NFIA: variants seen among roughly 807,000 people sequenced by gnomAD.
NFIA encodes the protein nuclear factor 1 A-type.
Under a neutral mutation model 62.8 loss-of-function variants are expected in NFIA, and 8 were observed. The observed-to-expected ratio is 0.13, with a 90% CI of 0.07 to 0.23. NFIA has a LOEUF of 0.23. Ranked by LOEUF, NFIA falls within the 10% of genes least tolerant of loss-of-function variation. The pLI is 1.00. For missense variants in NFIA, 410 were observed against 642.1 expected, an observed-to-expected ratio of 0.64 and a Z score of 3.91; for synonymous variants, 235 against 238.1, an observed-to-expected ratio of 0.99 and a Z score of 0.12.
chr1:61,280,401 A>C (rs1405965833), intron 3 of NFIA, among the ~76,000 whole-genome samples: 1 of 152,234 alleles, frequency 6.6e-6, no homozygotes, highest in African/African-American at 2.4e-5. Context: ...AACAGACTTG[A>C]TTCTTCAAAT....
At chr1:61,159,797 T>G (rs916615662) in intron 2 of NFIA, among the ~76,000 whole-genome samples, 1 of 151,434 alleles carries the variant, frequency 6.6e-6, no homozygotes, top group Non-Finnish European at 1.5e-5. Flanking sequence ...TTCTCCTGAT[T>G]CAGCCTCCCA....
chr1:61,103,551 G>A (rs1240027953), intron 2 of NFIA, among the ~76,000 whole-genome samples: 1 of 152,132 alleles, frequency 6.6e-6, no homozygotes, highest in East Asian at 1.9e-4. Context: ...GGACTGGGTT[G>A]TATTCAGTGT....
chr1:61,104,202 A>C (rs946832383), intron 2 of NFIA, among the ~76,000 whole-genome samples: 2 of 152,080 alleles, frequency 1.3e-5, no homozygotes, highest in African/African-American at 4.8e-5. Context: ...CAGAGTGGAC[A>C]CTCACATTTT....
intron 2 of NFIA, among the ~76,000 whole-genome samples, chr1:61,155,934 C>T (rs541519704): frequency 2.6e-4 from 39 of 152,150 alleles, no homozygotes; most frequent in African/African-American, 7.9e-4. Context: ...GTCAGGAGTT[C>T]GAGACCAGCC....
At chr1:61,299,507 G>T (rs1352284530) in intron 3 of NFIA, among the ~76,000 whole-genome samples, 1 of 152,120 alleles carries the variant, frequency 6.6e-6, no homozygotes, top group Non-Finnish European at 1.5e-5. Context: ...TTGTTAAAGG[G>T]AAATCTTAAT....
chr1:61,121,640 CAT>C (rs1646888715), intron 2 of NFIA, among the ~76,000 whole-genome samples: 1 of 152,106 alleles, frequency 6.6e-6, no homozygotes, highest in African/African-American at 2.4e-5. Context: ...AGATGTGTAA[CAT>C]AAAAGAATCT....
chr1:61,402,245 A>G (rs966747073), intron 7 of NFIA, among the ~76,000 whole-genome samples: 7 of 151,498 alleles, frequency 4.6e-5, no homozygotes, highest in Non-Finnish European at 1.0e-4. Context: ...TCACCGTGTT[A>G]CCCAGGGTGG....
rs10669787 is a variant in NFIA at position 61,389,744 on chromosome 1, G to GTT, written c.1075+6390_1075+6391dup. Among the ~76,000 whole-genome samples the GTT allele has an allele frequency of 2.5e-3, 367 of 148,506 alleles. 2 individuals carry two copies. Among genetic ancestry groups the GTT allele is most frequent in the East Asian group, 0.016 (83 of 5,064 alleles). On this transcript the variant is annotated intron_variant, in intron 7 of 10. Transcript: ENST00000403491. ...AATATAACCTGTGCCATCACACTGA[G>GTT]TTTTTTTTTTTTAATAGCAGCCATA...
intron 2 of NFIA, among the ~76,000 whole-genome samples, chr1:61,218,572 A>G (rs942154780): frequency 5.9e-5 from 9 of 152,330 alleles, no homozygotes; most frequent in Middle Eastern, 3.4e-3. Flanking sequence ...GAAGAAAATA[A>G]AATCACCTTG....
chr1:61,330,645 G>C (rs57203048), intron 3 of NFIA, among the ~76,000 whole-genome samples: 3,765 of 152,128 alleles, frequency 0.025, 185 homozygotes, highest in African/African-American at 0.086. Context: ...AAAATATATT[G>C]CTTGCTTTTT....
At chr1:61,142,261 A>G (rs1340275276) in intron 2 of NFIA, among the ~76,000 whole-genome samples, 1 of 152,198 alleles carries the variant, frequency 6.6e-6, no homozygotes, top group African/African-American at 2.4e-5. Flanking sequence ...AAAGAAGAAA[A>G]AAGTTGTTTA....
chr1:61,384,196 T>C (rs866505676), intron 7 of NFIA, among the ~76,000 whole-genome samples: 2 of 152,348 alleles, frequency 1.3e-5, no homozygotes, highest in South Asian at 4.1e-4. Flanking sequence ...ACCTACCAGC[T>C]GGTTTCATAA....
intron 2 of NFIA, among the ~76,000 whole-genome samples, chr1:61,225,939 T>C (rs1654304731): frequency 6.6e-6 from 1 of 152,186 alleles, no homozygotes; most frequent in African/African-American, 2.4e-5. Context: ...TAAGGGACCA[T>C]AAACTTATAT....
chr1:61,211,331 C>T (rs1197063317), intron 2 of NFIA, among the ~76,000 whole-genome samples: 1 of 152,120 alleles, frequency 6.6e-6, no homozygotes, highest in African/African-American at 2.4e-5. Flanking sequence ...GGTTCCTTGT[C>T]TTCCTTTTTT....
chr1:61,262,544 G>A (rs935297160), intron 2 of NFIA, among the ~76,000 whole-genome samples: 24 of 152,098 alleles, frequency 1.6e-4, no homozygotes, highest in Admixed American at 8.5e-4. Flanking sequence ...TGGTGTAGAC[G>A]TGAGGCTGTA....
intron 2 of NFIA, among the ~76,000 whole-genome samples, chr1:61,131,335 A>G (rs554546266): frequency 6.6e-6 from 1 of 152,302 alleles, no homozygotes; most frequent in Admixed American, 6.5e-5. Context: ...AACAGTGTCT[A>G]GATCTGTTGT....
intron 3 of NFIA, among the ~76,000 whole-genome samples, chr1:61,294,312 A>G (rs1659066520): frequency 6.6e-6 from 1 of 152,262 alleles, no homozygotes; most frequent in South Asian, 2.1e-4. Flanking sequence ...TAGTCACAAG[A>G]GTGATGAAGC....
chr1:61,285,883 G>C (rs1159592141), intron 3 of NFIA, among the ~76,000 whole-genome samples: 3 of 152,174 alleles, frequency 2.0e-5, no homozygotes, highest in African/African-American at 7.2e-5. Context: ...TTCCACGAAG[G>C]AAAGTCAGTG....
rs1664522634 is a variant in NFIA at position 61,383,436 on chromosome 1, A to G, written c.1075+71A>G. On this transcript the variant is annotated intron_variant, in intron 7 of 10. Coordinates refer to ENST00000403491, the MANE Select transcript of NFIA (RefSeq NM_001134673.4). ...TTTGGACCCAAGTAGCAAAATGAGA[A>G]ACAATGAGGACTCCCCCTGAACACT... is the stretch of plus-strand genomic sequence containing the variant. 1.9e-6 allele frequency: 3 copies of G among 1,590,014 alleles called. No individual in the cohort carries two copies. The Admixed American group carries it at 5.1e-5, about 27-fold the overall frequency.
Sources: gnomAD v4.1 joint callset for allele counts (sites outside exome capture counted in the v4.1 genomes callset) on GRCh38, gnomAD v4.1.1 for gene constraint, MANE v1.5 for transcripts, NCBI Gene and HGNC (gene_info 2026-07-23, HGNC 2026-07-21) for gene names.